LAMA1: variants seen among roughly 807,000 people sequenced by gnomAD.
LAMA1 encodes laminin subunit alpha 1.
A neutral mutation model predicts 348.7 loss-of-function variants in LAMA1; 219 were observed. The observed-to-expected ratio is 0.63, with a 90% CI of 0.56 to 0.70. The LOEUF (loss-of-function observed/expected upper bound fraction) is 0.70. LAMA1 is among the 30% of genes least tolerant of loss of function. LAMA1 has a pLI of 0.00. For synonymous variants in LAMA1, 1,487 were observed against 1,491.0 expected (o/e 1.00, Z 0.06); for missense variants, 3,744 against 3,888.0 (o/e 0.96, Z 0.99).
chr18:7,008,356 TTC>T (rs2057842671), intron 28 of LAMA1, 130 bp downstream of exon 28: 3 of 1,045,444 alleles, frequency 2.9e-6, no homozygotes, highest in Non-Finnish European at 4.1e-6. Context: ...CAAAATTAAT[TTC>T]TTTTTAATTC....
At chr18:7,082,645 A>G (rs2143786857) in intron 1 of LAMA1, among the ~76,000 whole-genome samples, 1 of 152,344 alleles carries the variant, frequency 6.6e-6, no homozygotes, top group Non-Finnish European at 1.5e-5. Flanking sequence ...AATTTCTCTT[A>G]TCAGCTAATC....
chr18:6,957,941 C>T (rs1293702239), intron 55 of LAMA1, among the ~76,000 whole-genome samples: 3 of 152,022 alleles, frequency 2.0e-5, no homozygotes, highest in Non-Finnish European at 2.9e-5. Context: ...CCACCACACC[C>T]GGCTAATTTT....
chr18:6,995,370 T>C lies in LAMA1; in HGVS notation c.4883A>G (p.Asn1628Ser), dbSNP rs779738952. The change falls in exon 34 of 63, where the codon AAC becomes AGC. Residue 1628 changes from asparagine (N) to serine (S), a missense_variant. Asn to Ser is a conservative substitution (Grantham distance 46). Transcript: ENST00000389658. ...GAAAGAATTTACCTTCTTTTGCAGG[T>C]TGTCCGTTTCTTCTGCAACACCTTC... ...KLEGVAEETD[N>S]LQKKLTRMLA... is the part of the protein sequence containing the mutation. 1.9e-6 allele frequency: 3 copies of C among 1,612,662 alleles called. No individual in the cohort carries two copies. The highest frequency in any genetic ancestry group is 2.5e-6 in the Non-Finnish European group (3 of 1,178,590).
intron 19 of LAMA1, among the ~76,000 whole-genome samples, chr18:7,022,445 G>A (rs966271675): frequency 1.3e-5 from 2 of 152,204 alleles, no homozygotes; most frequent in South Asian, 4.1e-4. Flanking sequence ...CTCTCCACGT[G>A]TGCCTGGGAA....
At chr18:6,954,879 G>C in intron 57 of LAMA1, 1 of 232,552 alleles carries the variant, frequency 4.3e-6, no homozygotes. Flanking sequence ...TCCAGGCCTT[G>C]AGATCTTCCC....
intron 1 of LAMA1, among the ~76,000 whole-genome samples, chr18:7,102,647 C>T (rs1275013450): frequency 2.6e-5 from 4 of 152,128 alleles, no homozygotes; most frequent in Non-Finnish European, 4.4e-5. Context: ...AGAAACCGCT[C>T]CCAAATCTGA....
chr18:7,055,906 C>T (rs1390103191), intron 3 of LAMA1, among the ~76,000 whole-genome samples: 1 of 151,352 alleles, frequency 6.6e-6, no homozygotes, highest in East Asian at 1.9e-4. Flanking sequence ...ACAGTGAAAC[C>T]CCGTCTCCAC....
At chr18:7,021,832 TA>T (rs201628100) in intron 19 of LAMA1, among the ~76,000 whole-genome samples, 1,295 of 61,940 alleles carry the variant, frequency 0.021, 31 homozygotes, top group African/African-American at 0.14. Flanking sequence ...TTATATAATA[TA>T]ATAATATATT....
chr18:7,005,041 C>T (rs1010087713), intron 29 of LAMA1, among the ~76,000 whole-genome samples: 1 of 152,092 alleles, frequency 6.6e-6, no homozygotes, highest in Non-Finnish European at 1.5e-5. Context: ...GGAGCAAAGG[C>T]GTTAGGCTCA....
At chr18:7,031,976 G>A in intron 16 of LAMA1, 90 bp downstream of exon 16, 1 of 932,770 alleles carries the variant, frequency 1.1e-6, no homozygotes, top group Non-Finnish European at 1.7e-6. Flanking sequence ...TTATTCCGTG[G>A]AGGAAGCACT....
intron 3 of LAMA1, among the ~76,000 whole-genome samples, chr18:7,074,346 T>C (rs993883749): frequency 1.1e-4 from 16 of 152,202 alleles, no homozygotes; most frequent in African/African-American, 3.4e-4. Flanking sequence ...ATCTCAACAG[T>C]GTATTAACTT....
chr18:7,095,950 T>C (rs2058259317), intron 1 of LAMA1, among the ~76,000 whole-genome samples: 1 of 152,140 alleles, frequency 6.6e-6, no homozygotes, highest in Non-Finnish European at 1.5e-5. Flanking sequence ...CGCCTGTAAT[T>C]CCAGTTACTC....
intron 28 of LAMA1, among the ~76,000 whole-genome samples, chr18:7,007,847 G>A (rs897368853): frequency 6.6e-6 from 1 of 152,116 alleles, no homozygotes; most frequent in African/African-American, 2.4e-5. Context: ...ACATGGATGA[G>A]CCTTGAGGAC....
At chr18:6,959,227 G>C in intron 54 of LAMA1, 114 bp downstream of exon 54, 1 of 1,338,474 alleles carries the variant, frequency 7.5e-7, no homozygotes, top group Non-Finnish European at 1.1e-6. Context: ...GAATCGTCTG[G>C]ATGCCGATGA....
At chr18:7,040,813 A>T (rs1189515821) in intron 9 of LAMA1, among the ~76,000 whole-genome samples, 1 of 152,220 alleles carries the variant, frequency 6.6e-6, no homozygotes, top group Non-Finnish European at 1.5e-5. Flanking sequence ...ATTTGGTAAT[A>T]AAAAGGGTTG....
chr18:6,947,342 C>T (rs1405507993), intron 60 of LAMA1, 46 bp from the exon 61 acceptor site: 68 of 1,611,846 alleles, frequency 4.2e-5, no homozygotes, highest in Non-Finnish European at 5.8e-5. Flanking sequence ...CGCTGCCAGG[C>T]CCAGGTTGAG....
chr18:6,970,990 A>G (rs2057655864), intron 48 of LAMA1, among the ~76,000 whole-genome samples: 1 of 152,182 alleles, frequency 6.6e-6, no homozygotes, highest in African/African-American at 2.4e-5. Context: ...ACAAAATGAA[A>G]AATTCACCCG....
rs112171030 is a variant in LAMA1 at position 6,979,854 on chromosome 18, G to C, written c.6007+667C>G. Among the ~76,000 whole-genome samples, 17 of 152,186 alleles carry C rather than the reference G, an allele frequency of 1.1e-4. No individual in the cohort carries two copies. In the East Asian group the frequency reaches 2.3e-3, roughly 21 times the overall value. The stretch of plus-strand genomic sequence containing the variant: ...GCGGAGCTTGCAGTGAGCCAAGATC[G>C]CGCCACTGCACTCCAGCCTGGGCGA... On this transcript the variant is annotated intron_variant, in intron 42 of 62. Coordinates refer to ENST00000389658, the MANE Select transcript of LAMA1 (RefSeq NM_005559.4).
Position 7,050,910 on chromosome 18 carries a change from A to C in LAMA1, c.372T>G (p.Ile124Met), listed in dbSNP as rs1307415688. ...RQVFQVAYVIIKAANAPRPGN... is the reference protein window; with the variant it reads ...RQVFQVAYVIMKAANAPRPGN... ...CAGGTCGAGGGGCATTGGCAGCTTT[A>C]ATGATGACATATGCAACTTGAAAGA... is the stretch of plus-strand genomic sequence containing the variant. Residue 124 changes from isoleucine (I) to methionine (M), a missense_variant, in exon 4 of 63, where the codon ATT (isoleucine) becomes ATG (methionine). Physicochemically the swap from Ile to Met is conservative, Grantham distance 10 (BLOSUM62 1). Around this residue, in one of 3 missense-constraint regions of LAMA1, gnomAD observed 1,529 missense variants for 1,689.4 expected, o/e 0.91. Transcript: ENST00000389658. 1 of 1,614,086 alleles carries C rather than the reference A, an allele frequency of 6.2e-7. No homozygotes were observed. The highest frequency in any genetic ancestry group is 1.3e-5 in the African/African-American group (1 of 74,942).
Sources: gnomAD v4.1 joint callset for allele counts (sites outside exome capture counted in the v4.1 genomes callset) on GRCh38, gnomAD v4.1.1 for gene constraint, gnomAD v4.1.1 regional missense constraint, MANE v1.5 for transcripts, NCBI Gene and HGNC (gene_info 2026-07-23, HGNC 2026-07-21) for gene names.